PGBD5: variants seen among roughly 807,000 people sequenced by gnomAD.
PGBD5 encodes the protein piggyBac transposable element-derived protein 5.
In PGBD5, 14 loss-of-function variants were observed where a neutral mutation model predicts 47.9. The observed-to-expected ratio is 0.29, with a 90% CI of 0.19 to 0.46. The LOEUF (loss-of-function observed/expected upper bound fraction) is 0.46, where lower values mean the gene tolerates loss of function less well. PGBD5 is among the 20% of genes least tolerant of loss of function. The pLI, the probability that PGBD5 is intolerant of heterozygous loss-of-function variation, is 1.00. For missense variants in PGBD5, 635 were observed against 716.0 expected, an observed-to-expected ratio of 0.89 and a Z score of 1.29; for synonymous variants, 316 against 306.3, an observed-to-expected ratio of 1.03 and a Z score of -0.33.
intron 1 of PGBD5, among the ~76,000 whole-genome samples, chr1:230,365,143 C>T (rs890701381): frequency 1.3e-5 from 2 of 150,484 alleles, no homozygotes; most frequent in African/African-American, 2.5e-5. Context: ...GAAACCCCAT[C>T]TCTACTAAAA....
At chr1:230,405,774 GC>G (rs1277657539) in intron 1 of PGBD5, among the ~76,000 whole-genome samples, 2 of 152,188 alleles carry the variant, frequency 1.3e-5, no homozygotes, top group African/African-American at 4.8e-5. Context: ...ACGGTCTTGG[GC>G]CTTCTCAGGG....
At chr1:230,419,079 A>G (rs576291087) in intron 1 of PGBD5, among the ~76,000 whole-genome samples, 22 of 152,348 alleles carry the variant, frequency 1.4e-4, no homozygotes, top group Admixed American at 6.5e-4. Flanking sequence ...AGGAAAACAA[A>G]TTGTTCTACC....
intron 4 of PGBD5, among the ~76,000 whole-genome samples, chr1:230,333,839 C>T (rs1013726267): frequency 2.6e-5 from 4 of 152,146 alleles, no homozygotes; most frequent in Non-Finnish European, 4.4e-5. Flanking sequence ...TGAACAAACA[C>T]CCACCGCGGA....
At chr1:230,400,100 C>T (rs181891420) in intron 1 of PGBD5, among the ~76,000 whole-genome samples, 2 of 152,198 alleles carry the variant, frequency 1.3e-5, no homozygotes, top group African/African-American at 2.4e-5. Context: ...CCTCTGTGCC[C>T]CGCCTCCACC....
At chr1:230,381,560 A>G (rs530506134) in intron 1 of PGBD5, among the ~76,000 whole-genome samples, 2 of 152,056 alleles carry the variant, frequency 1.3e-5, no homozygotes, top group Admixed American at 6.5e-5. Flanking sequence ...GCCTGAGCAG[A>G]CTCCCTGGCT....
At chr1:230,397,099 T>C (rs1285128933) in intron 1 of PGBD5, among the ~76,000 whole-genome samples, 1 of 152,160 alleles carries the variant, frequency 6.6e-6, no homozygotes, top group African/African-American at 2.4e-5. Context: ...TTCCAAGAGA[T>C]GGGAATCAAG....
intron 1 of PGBD5, among the ~76,000 whole-genome samples, chr1:230,415,274 A>C (rs1405875599): frequency 6.1e-5 from 3 of 49,366 alleles, no homozygotes. Context: ...GACTCTGTCT[A>C]AAAAAAAAAA....
At chr1:230,393,817 T>C (rs1571855621) in intron 1 of PGBD5, among the ~76,000 whole-genome samples, 2 of 108,618 alleles carry the variant, frequency 1.8e-5, no homozygotes, top group Admixed American at 2.5e-4. Context: ...AGAACGAGAC[T>C]CCGTCTCAAA....
chr1:230,378,571 CT>C (rs1216843818), intron 1 of PGBD5, among the ~76,000 whole-genome samples: 12 of 152,026 alleles, frequency 7.9e-5, no homozygotes, highest in Admixed American at 6.5e-4. Flanking sequence ...GTGTAGTTCT[CT>C]GAAGGAAGGT....
chr1:230,393,001 GA>G (rs1656827447), intron 1 of PGBD5, among the ~76,000 whole-genome samples: 1 of 150,744 alleles, frequency 6.6e-6, no homozygotes, highest in Non-Finnish European at 1.5e-5. Context: ...GTGGGCGGGG[GA>G]GCAAATCAGG....
chr1:230,354,157 C>T (rs1022628691), intron 2 of PGBD5, among the ~76,000 whole-genome samples: 3 of 152,182 alleles, frequency 2.0e-5, no homozygotes, highest in African/African-American at 7.2e-5. Flanking sequence ...AACACCCAAC[C>T]GTACTCTGTG....
At chr1:230,343,486 G>A (rs933028008) in intron 3 of PGBD5, among the ~76,000 whole-genome samples, 1 of 152,184 alleles carries the variant, frequency 6.6e-6, no homozygotes, top group African/African-American at 2.4e-5. Context: ...TTCAAAAGTG[G>A]AGAAAGAAGG....
intron 5 of PGBD5, among the ~76,000 whole-genome samples, chr1:230,329,248 G>A (rs1667176896): frequency 6.6e-6 from 1 of 152,104 alleles, no homozygotes; most frequent in Non-Finnish European, 1.5e-5. Context: ...ATGGGCATAA[G>A]CCATTGTGAC....
At chr1:230,421,031 G>A (rs1657635540) in intron 1 of PGBD5, among the ~76,000 whole-genome samples, 1 of 152,128 alleles carries the variant, frequency 6.6e-6, no homozygotes, top group African/African-American at 2.4e-5. Context: ...AGTCTACAAA[G>A]TGAGTTTTGG....
intron 3 of PGBD5, among the ~76,000 whole-genome samples, chr1:230,343,174 TCTC>T (rs1667432522): frequency 6.6e-6 from 1 of 152,046 alleles, no homozygotes; most frequent in East Asian, 1.9e-4. Context: ...TCTTGGTCCT[TCTC>T]CTCTCTGGCT....
intron 3 of PGBD5, among the ~76,000 whole-genome samples, chr1:230,342,333 A>C (rs1667418149): frequency 1.3e-5 from 2 of 152,300 alleles, no homozygotes; most frequent in Admixed American, 1.3e-4. Context: ...GAAGAGAATC[A>C]ATTTTCTCAG....
At chr1:230,400,122 T>A (rs753159725) in intron 1 of PGBD5, among the ~76,000 whole-genome samples, 1 of 152,222 alleles carries the variant, frequency 6.6e-6, no homozygotes, top group South Asian at 2.1e-4. Flanking sequence ...TGCAGCTCTC[T>A]GACCGCCTTC....
At chr1:230,358,598 C>G (rs570102457) in intron 1 of PGBD5, among the ~76,000 whole-genome samples, 46 of 152,204 alleles carry the variant, frequency 3.0e-4, no homozygotes, top group Admixed American at 2.1e-3. Flanking sequence ...CCCGCCCCCC[C>G]ACAAGATGTT....
intron 1 of PGBD5, among the ~76,000 whole-genome samples, chr1:230,382,817 G>C (rs1006631343): frequency 5.3e-5 from 8 of 152,102 alleles, no homozygotes; most frequent in African/African-American, 1.9e-4. Flanking sequence ...CTGTCTTGAG[G>C]TTACAGAAAG....
Sources: gnomAD v4.1 joint callset for allele counts (sites outside exome capture counted in the v4.1 genomes callset) on GRCh38, gnomAD v4.1.1 for gene constraint, MANE v1.5 for transcripts, NCBI Gene and HGNC (gene_info 2026-07-23, HGNC 2026-07-21) for gene names.